MYBPC3: variants seen among roughly 807,000 people sequenced by gnomAD.
MYBPC3 encodes the protein myosin binding protein C3.
MYBPC3 carries 108 observed loss-of-function variants against 159.3 expected under a neutral mutation model. The observed-to-expected ratio is 0.68, with a 90% CI of 0.58 to 0.80. The LOEUF is 0.80. MYBPC3 is among the 30% of genes least tolerant of loss of function. The pLI is 0.00. For synonymous variants in MYBPC3, 730 were observed against 702.0 expected (o/e 1.04, Z -0.63); for missense variants, 1,631 against 1,762.1 (o/e 0.93, Z 1.33).
rs1369347280 is a variant in MYBPC3, at chr11:47,332,261, A to T, written c.3628-3T>A. 8 of 1,613,562 alleles carry T rather than the reference A, an allele frequency of 5.0e-6. No homozygotes were observed. Among genetic ancestry groups the T allele is most frequent in the Non-Finnish European group, 5.9e-6 (7 of 1,179,840 alleles). On this transcript the variant is annotated splice_polypyrimidine_tract_variant and splice_region_variant and intron_variant, in intron 32 of 34. Coordinates refer to ENST00000545968, the MANE Select transcript of MYBPC3 (RefSeq NM_000256.3). This position sits in a 1 kb window ranked among gnomAD's most constrained non-coding sequence, Gnocchi z 4.2. Reference sequence around the variant, plus strand: ...TTCTTGAACCAGGAAATCTTGGGCTATAAATAAGGTAAAGAGAGGGAGGGA... The same window carrying T: ...TTCTTGAACCAGGAAATCTTGGGCTTTAAATAAGGTAAAGAGAGGGAGGGA...
chr11:47,347,727 C>T (rs750501761), intron 7 of MYBPC3, 47 bp from the exon 8 acceptor site: 1 of 1,554,432 alleles, frequency 6.4e-7, no homozygotes, highest in South Asian at 1.2e-5. Context: ...GAAGCTTGCT[C>T]TCCCCTGCAG....
intron 5 of MYBPC3, 119 bp downstream of exon 5, chr11:47,349,655 A>T: frequency 7.2e-7 from 1 of 1,380,086 alleles, no homozygotes; most frequent in African/African-American, 1.5e-5. Context: ...GATTCCCCAC[A>T]CCCCTTGCTT....
chr11:47,347,356 G>T (rs2095895317), intron 9 of MYBPC3, 70 bp downstream of exon 9: 1 of 1,551,292 alleles, frequency 6.4e-7, no homozygotes, highest in Non-Finnish European at 8.7e-7. Context: ...CACACAGCTG[G>T]CAAACCACAG....
chr11:47,348,568 A>G lies in MYBPC3; in HGVS notation c.655-27T>C, dbSNP rs369519667. 19 of 1,552,626 alleles carry G rather than the reference A, an allele frequency of 1.2e-5. No individual in the cohort carries two copies. The African/African-American group carries it at 2.4e-4, about 20-fold the overall frequency. On this transcript the variant is annotated intron_variant, in intron 5 of 34. Transcript: ENST00000545968. Reference sequence around the variant, plus strand: ...TGTGTGCATGGAGGGACGGGGCGTCAGGGGACACCAGGGGCCGGGAGACAA... The same window carrying G: ...TGTGTGCATGGAGGGACGGGGCGTCGGGGGACACCAGGGGCCGGGAGACAA...
chr11:47,339,538 T>C, intron 21 of MYBPC3, 113 bp downstream of exon 21: 4 of 1,479,446 alleles, frequency 2.7e-6, no homozygotes, highest in Non-Finnish European at 3.7e-6. Flanking sequence ...TCCCATGGGG[T>C]AGCCAACAGC....
At chr11:47,349,437 C>A (rs2095897998) in intron 5 of MYBPC3, among the ~76,000 whole-genome samples, 1 of 152,102 alleles carries the variant, frequency 6.6e-6, no homozygotes, top group African/African-American at 2.4e-5. Context: ...GCTGGTGCCC[C>A]CATGCTTCAC....
intron 15 of MYBPC3, 39 bp from the exon 16 acceptor site, chr11:47,342,974 A>C (rs751896934): frequency 6.2e-7 from 1 of 1,612,324 alleles, no homozygotes; most frequent in Non-Finnish European, 8.5e-7. Context: ...GGCTCCCCTG[A>C]GGCCATCTCC....
intron 5 of MYBPC3, among the ~76,000 whole-genome samples, chr11:47,348,983 G>A (rs1418099678): frequency 1.4e-5 from 2 of 140,964 alleles, no homozygotes; most frequent in African/African-American, 5.2e-5. Context: ...TCAGGCTTTA[G>A]TTAACCCATA....
Position 47,346,534 on chromosome 11 carries a change from G to A in MYBPC3, c.926+93C>T. On this transcript the variant is annotated intron_variant, in intron 11 of 34. Coordinates refer to ENST00000545968, the MANE Select transcript of MYBPC3 (RefSeq NM_000256.3). The surrounding 1 kb of genome is among the most constrained non-coding windows in gnomAD (Gnocchi z 5.3). ...CTGGGTCCCAGGCCAGGCAGGACTG[G>A]GGGCCAAGGGAGCTGAAGAGGGGCT... is the stretch of plus-strand genomic sequence containing the variant. 2 of 1,488,710 alleles carry A rather than the reference G, an allele frequency of 1.3e-6. No individual in the cohort carries two copies. Among genetic ancestry groups the A allele is most frequent in the Middle Eastern group, 2.0e-4 (1 of 5,126 alleles). The allele number at this position is 1,488,710 out of a possible 1,614,324, so 92.2% of individuals were successfully genotyped here.
In MYBPC3 at chr11:47,341,252, G is replaced by A. The variant is rs1346693579; in HGVS notation, c.1791-8C>T. The A allele has an allele frequency of 3.2e-6, 5 of 1,569,078 alleles. No homozygotes were observed. Among genetic ancestry groups the A allele is most frequent in the African/African-American group, 2.7e-5 (2 of 73,866 alleles). On this transcript the variant is annotated splice_region_variant and splice_polypyrimidine_tract_variant and intron_variant, in intron 18 of 34. Coordinates refer to ENST00000545968, the MANE Select transcript of MYBPC3 (RefSeq NM_000256.3). ...ATGGTCAGTTTGTGGACCCTGCAGG[G>A]GAGCAGTGGCTCAGGGGACCCCACT...
At position 47,347,024 on chromosome 11, in the gene MYBPC3, T is replaced by C. The variant is rs2095895009; in HGVS notation, c.908+3A>G. On this transcript the variant is annotated splice_donor_region_variant and intron_variant, in intron 10 of 34. Transcript: ENST00000545968. ...CCCCAAACACCCAGACCCCGATTCTTACTCTCTGGGCCACAGCAGCAGCAG... is the reference window on the plus strand; with the variant it reads ...CCCCAAACACCCAGACCCCGATTCTCACTCTCTGGGCCACAGCAGCAGCAG... The C allele has an allele frequency of 2.5e-6, 2 of 796,192 alleles. No homozygotes were observed. The highest frequency in any genetic ancestry group is 3.4e-5 in the Admixed American group (2 of 58,930). The allele number at this position is 796,192 out of a possible 1,614,324, so 49.3% of individuals were successfully genotyped here. A position where few individuals can be genotyped will look rare whatever the true frequency, so the allele number is the denominator to read the frequency against.
intron 18 of MYBPC3, among the ~76,000 whole-genome samples, 183 bp from the exon 19 acceptor site, chr11:47,341,427 G>A (rs943563635): frequency 1.1e-4 from 16 of 152,232 alleles, no homozygotes; most frequent in Admixed American, 5.2e-4. Context: ...GCCTTCAGAG[G>A]TAGGCAGCGT....
chr11:47,335,827 G>C, intron 26 of MYBPC3, 50 bp downstream of exon 26: 1 of 1,350,200 alleles, frequency 7.4e-7, no homozygotes, highest in South Asian at 1.8e-5. Flanking sequence ...CAATGGCAAG[G>C]TGAGCATGTT....
chr11:47,351,563 G>T lies in MYBPC3; in HGVS notation c.26-58C>A, dbSNP rs2095901123. 2 of 1,493,888 alleles carry T rather than the reference G, an allele frequency of 1.3e-6. No individual in the cohort carries two copies. Among genetic ancestry groups the T allele is most frequent in the East Asian group, 2.4e-5 (1 of 42,290 alleles). 92.5% of individuals were successfully genotyped at this position (1,493,888 alleles called of 1,614,324 possible). On this transcript the variant is annotated intron_variant, in intron 1 of 34. Coordinates refer to ENST00000545968, the MANE Select transcript of MYBPC3 (RefSeq NM_000256.3). This position sits in a 1 kb window ranked among gnomAD's most constrained non-coding sequence, Gnocchi z 4.2. ...TGGTTGGAGCGTGCACCCCGCCCCT[G>T]CAGCCCCTCTCAGTAAATACTGTGC...
At chr11:47,331,738 G>C (rs1051320635) in intron 34 of MYBPC3, 22 bp from the exon 35 acceptor site, 1 of 1,159,388 alleles carries the variant, frequency 8.6e-7, no homozygotes. Context: ...GTTATCTTAC[G>C]AGTGAATGGA....
At chr11:47,337,072 T>TC (rs1167114682) in intron 25 of MYBPC3, among the ~76,000 whole-genome samples, 1 of 152,186 alleles carries the variant, frequency 6.6e-6, no homozygotes, top group African/African-American at 2.4e-5. Flanking sequence ...TCCCATATCA[T>TC]CCTAACAGCT....
At position 47,335,922 on chromosome 11, in the gene MYBPC3, C is replaced by T; in HGVS notation, c.2692G>A (p.Ala898Thr). ...LKWRPPERVG[A>T]GGLDGYSVEY... ...ACGCTGTAGCCATCCAGGCCTCCTG[C>T]TCCCACGCGCTCTGGGGGCCGCCAC... The change falls in exon 26 of 35, where the codon GCA becomes ACA. Residue 898 changes from alanine (A) to threonine (T), a missense_variant. Ala to Thr is a moderately conservative substitution (Grantham distance 58, BLOSUM62 0). Transcript: ENST00000545968. 1.9e-6 allele frequency: 3 copies of T among 1,549,090 alleles called. No individual in the cohort carries two copies. The highest frequency in any genetic ancestry group is 1.2e-5 in the South Asian group (1 of 83,162).
rs531189495 is a variant in MYBPC3, at chr11:47,332,961, C to T, written c.3343G>A (p.Val1115Ile). ...TGGGTGCGGCGGTAATGCTCCAAGACGGTGAACCACTCCTGGGGGCAGGGA... is the reference window on the plus strand; with the variant it reads ...TGGGTGCGGCGGTAATGCTCCAAGATGGTGAACCACTCCTGGGGGCAGGGA... ...ADKKTMEWFT[V>I]LEHYRRTHCV... The change falls in exon 31 of 35, where the codon GTC becomes ATC. Residue 1115 changes from valine to isoleucine, a missense_variant. By Grantham distance (29) the Val-to-Ile change is conservative. Transcript: ENST00000545968. The surrounding 1 kb of genome is among the most constrained non-coding windows in gnomAD (Gnocchi z 4.2). 1.9e-5 allele frequency: 31 copies of T among 1,610,118 alleles called. No individual in the cohort carries two copies. The highest frequency in any genetic ancestry group is 6.7e-5 in the African/African-American group (5 of 74,996).
chr11:47,346,906 TC>T lies in MYBPC3; in HGVS notation c.908+120del. 1.4e-6 allele frequency: 1 copy of T among 734,936 alleles called. No homozygotes were observed. Among genetic ancestry groups the T allele is most frequent in the Admixed American group, 1.9e-5 (1 of 53,078 alleles). 45.5% of individuals were successfully genotyped at this position (734,936 alleles called of 1,614,324 possible). A position where few individuals can be genotyped will look rare whatever the true frequency, so the allele number is the denominator to read the frequency against. Reference sequence around the variant, plus strand: ...CCCAAGGCACAGAGACTCACCCCTGTCCGTGGGGAGCCGCACCCTGCTCTGA... The same window carrying T: ...CCCAAGGCACAGAGACTCACCCCTGTCGTGGGGAGCCGCACCCTGCTCTGA... On this transcript the variant is annotated intron_variant, in intron 10 of 34. Transcript: ENST00000545968. This position sits in a 1 kb window ranked among gnomAD's most constrained non-coding sequence, Gnocchi z 5.3.
Sources: allele counts gnomAD v4.1 joint callset (sites outside exome capture counted in the v4.1 genomes callset), GRCh38; gene constraint gnomAD v4.1.1; non-coding constraint Gnocchi (gnomAD v3.1); transcripts MANE v1.5; gene names NCBI Gene and HGNC (gene_info 2026-07-23, HGNC 2026-07-21).